The following PTPRD variants were observed in gnomAD, a reference collection of about 807,000 sequenced individuals.
The protein encoded by PTPRD is protein tyrosine phosphatase receptor type D.
In PTPRD, 34 loss-of-function variants were observed where a neutral mutation model predicts 214.5. The observed-to-expected ratio is 0.16, with a 90% confidence interval of 0.12 to 0.21. PTPRD has a LOEUF of 0.21. PTPRD is among the 10% of genes least tolerant of loss of function. The pLI is 1.00. For synonymous variants in PTPRD, 1,128 were observed against 845.7 expected (o/e 1.33, Z -5.79); for missense variants, 2,545 against 2,398.7 (o/e 1.06, Z -1.27).
chr9:9,187,951 T>A (rs1315911049), intron 9 of PTPRD, among the ~76,000 whole-genome samples: 1 of 151,958 alleles, frequency 6.6e-6, no homozygotes, highest in East Asian at 1.9e-4. Flanking sequence ...AATGCACTTA[T>A]AGAAAAGTAC....
intron 11 of PTPRD, among the ~76,000 whole-genome samples, chr9:8,857,036 G>T (rs1206277796): frequency 6.6e-6 from 1 of 152,168 alleles, no homozygotes; most frequent in African/African-American, 2.4e-5. Flanking sequence ...CCTACGGAAT[G>T]AATGTGTGTG....
intron 11 of PTPRD, among the ~76,000 whole-genome samples, chr9:8,867,537 T>G (rs2098220520): frequency 6.6e-6 from 1 of 152,162 alleles, no homozygotes; most frequent in Non-Finnish European, 1.5e-5. Context: ...AACTGTTTTA[T>G]TTTTTCCTTT....
At chr9:8,488,915 G>A (rs2097092713) in intron 27 of PTPRD, among the ~76,000 whole-genome samples, 1 of 151,780 alleles carries the variant, frequency 6.6e-6, no homozygotes, top group African/African-American at 2.4e-5. Flanking sequence ...TTCTCCAGAG[G>A]CAACAGATTA....
intron 10 of PTPRD, among the ~76,000 whole-genome samples, chr9:9,056,884 T>C (rs1477525065): frequency 6.6e-6 from 1 of 152,216 alleles, no homozygotes; most frequent in Non-Finnish European, 1.5e-5. Context: ...AAAGAATCCA[T>C]CAGGATGATG....
chr9:8,640,565 A>C (rs1220291487), intron 12 of PTPRD, among the ~76,000 whole-genome samples: 28 of 150,682 alleles, frequency 1.9e-4, no homozygotes, highest in Non-Finnish European at 2.7e-4. Flanking sequence ...AAAAAACAAA[A>C]AAAAAAAAAA....
chr9:9,706,026 C>A (rs187396393), intron 7 of PTPRD, among the ~76,000 whole-genome samples: 1 of 152,208 alleles, frequency 6.6e-6, no homozygotes, highest in East Asian at 1.9e-4. Flanking sequence ...ATAATATCTT[C>A]TTGCAAATTA....
chr9:9,673,415 T>A (rs1443867942), intron 7 of PTPRD, among the ~76,000 whole-genome samples: 1 of 151,874 alleles, frequency 6.6e-6, no homozygotes, highest in Non-Finnish European at 1.5e-5. Flanking sequence ...AAAAAAAGGA[T>A]AAACTTCCCA....
chr9:8,459,549 G>A (rs1257224740), intron 33 of PTPRD, among the ~76,000 whole-genome samples: 6 of 151,966 alleles, frequency 3.9e-5, no homozygotes, highest in Admixed American at 3.9e-4. Flanking sequence ...TCTTAAGACA[G>A]AAAGAATTTA....
intron 13 of PTPRD, 90 bp from the exon 14 acceptor site, chr9:8,633,548 A>G (rs1038474396): frequency 3.9e-5 from 56 of 1,433,372 alleles, no homozygotes; most frequent in Non-Finnish European, 5.2e-5. Context: ...ATCCGCCATT[A>G]GGCTCATAAT....
At chr9:10,356,842 G>A (rs2154463563) in intron 2 of PTPRD, among the ~76,000 whole-genome samples, 1 of 152,028 alleles carries the variant, frequency 6.6e-6, no homozygotes, top group East Asian at 1.9e-4. Flanking sequence ...ACCATGCCCG[G>A]CTAATTTTTG....
intron 3 of PTPRD, among the ~76,000 whole-genome samples, chr9:10,126,651 T>G (rs562192193): frequency 6.6e-6 from 1 of 152,266 alleles, no homozygotes; most frequent in South Asian, 2.1e-4. Context: ...AACACTAGAT[T>G]CTTTCTTTTT....
intron 18 of PTPRD, 108 bp downstream of exon 18, chr9:8,524,817 T>C (rs756738143): frequency 2.2e-6 from 2 of 922,000 alleles, no homozygotes; most frequent in Admixed American, 1.7e-5. Flanking sequence ...ACGGTCACTA[T>C]TACCAAACCA....
At chr9:8,752,610 G>T (rs981903669) in intron 11 of PTPRD, among the ~76,000 whole-genome samples, 2 of 152,098 alleles carry the variant, frequency 1.3e-5, no homozygotes, top group Admixed American at 1.3e-4. Context: ...TTGGGGTCTG[G>T]ATCGGGACCC....
At chr9:8,924,622 G>T (rs940928451) in intron 11 of PTPRD, among the ~76,000 whole-genome samples, 1 of 151,936 alleles carries the variant, frequency 6.6e-6, no homozygotes, top group Non-Finnish European at 1.5e-5. Context: ...GTCCATGGAG[G>T]CCTCTCCATC....
chr9:9,446,290 G>A (rs1003982034), intron 8 of PTPRD, among the ~76,000 whole-genome samples: 3 of 152,098 alleles, frequency 2.0e-5, no homozygotes, highest in Admixed American at 1.3e-4. Flanking sequence ...CAAGTGTTGA[G>A]GATTTAATAG....
At chr9:8,326,281 G>C (rs1228569959) in intron 44 of PTPRD, among the ~76,000 whole-genome samples, 2 of 151,948 alleles carry the variant, frequency 1.3e-5, no homozygotes, top group African/African-American at 2.4e-5. Flanking sequence ...TAGCATAAAG[G>C]GCTCATGAAT....
chr9:8,351,406 CTTT>C lies in PTPRD; in HGVS notation c.4662-9431_4662-9429del, dbSNP rs35280197. Among the ~76,000 whole-genome samples the C allele has an allele frequency of 8.7e-3, 1,289 of 147,354 alleles. 14 individuals are homozygous for C. The highest frequency in any genetic ancestry group is 0.029 in the African/African-American group (1,176 of 40,168). ...CTTTAGTTGAAGTATTTTTTTGTAG[CTTT>C]TTTTTTTAACAAGGATAACATAATA... On this transcript the variant is annotated intron_variant, in intron 39 of 45. Coordinates refer to ENST00000381196, the MANE Select transcript of PTPRD (RefSeq NM_002839.4).
chr9:9,991,277 A>T (rs1357869392), intron 4 of PTPRD, among the ~76,000 whole-genome samples: 1 of 152,010 alleles, frequency 6.6e-6, no homozygotes, highest in African/African-American at 2.4e-5. Context: ...AAAATTTCTT[A>T]TACAGAACAC....
intron 11 of PTPRD, among the ~76,000 whole-genome samples, chr9:8,948,021 CTTTT>C (rs34611971): frequency 3.3e-5 from 4 of 119,432 alleles, no homozygotes; most frequent in Non-Finnish European, 3.6e-5. Flanking sequence ...CTCTCTCTCT[CTTTT>C]TTTTTTTTTT....
Sources: allele counts gnomAD v4.1 joint callset (sites outside exome capture counted in the v4.1 genomes callset), GRCh38; gene constraint gnomAD v4.1.1; transcripts MANE v1.5; gene names NCBI Gene and HGNC (gene_info 2026-07-23, HGNC 2026-07-21).